NRXN1: variants seen among roughly 807,000 people sequenced by gnomAD.
NRXN1 encodes neurexin-1.
NRXN1 carries 39 observed loss-of-function variants against 150.9 expected under a neutral mutation model. The ratio of observed to expected loss-of-function variants is 0.26; its 90% CI spans 0.20 to 0.34. NRXN1 has a LOEUF of 0.34. Among genes scored for constraint, NRXN1 ranks in the 10% least tolerant of loss-of-function variants. The probability of loss-of-function intolerance (pLI) is 1.00; values close to 1 mark genes in which losing one functional copy is unlikely to be tolerated. For synonymous variants in NRXN1, 924 were observed against 757.0 expected, an observed-to-expected ratio of 1.22 and a Z score of -3.62; for missense variants, 1,815 against 1,949.9, an observed-to-expected ratio of 0.93 and a Z score of 1.30.
At chr2:50,859,093 C>T (rs550144117) in intron 5 of NRXN1, among the ~76,000 whole-genome samples, 26 of 152,116 alleles carry the variant, frequency 1.7e-4, no homozygotes, top group Middle Eastern at 3.4e-3. Context: ...TTGAACCTAA[C>T]GGCCTAAGAA....
chr2:50,032,915 G>A (rs7601845), intron 21 of NRXN1, among the ~76,000 whole-genome samples: 112,891 of 151,562 alleles, frequency 0.74, 42,177 homozygotes, highest in Middle Eastern at 0.8. Flanking sequence ...AGTCTGCAGT[G>A]TTTTCTTTTA....
chr2:50,161,749 A>G (rs2678229), intron 18 of NRXN1, among the ~76,000 whole-genome samples: 125,341 of 152,062 alleles, frequency 0.82, 51,897 homozygotes, highest in African/African-American at 0.89. Flanking sequence ...TAGATAATAT[A>G]TTCCTCAAAG....
At chr2:50,612,655 A>G (rs1019469928) in intron 8 of NRXN1, among the ~76,000 whole-genome samples, 5 of 152,222 alleles carry the variant, frequency 3.3e-5, no homozygotes, top group African/African-American at 7.2e-5. Flanking sequence ...ACATTTGTAT[A>G]GAGCCTAGTA....
chr2:50,747,020 G>C (rs1700102281), intron 5 of NRXN1, among the ~76,000 whole-genome samples: 1 of 152,092 alleles, frequency 6.6e-6, no homozygotes, highest in Non-Finnish European at 1.5e-5. Context: ...ACTCTAAGAA[G>C]TATATTTAAA....
intron 12 of NRXN1, among the ~76,000 whole-genome samples, chr2:50,521,953 T>A (rs2092801060): frequency 6.6e-6 from 1 of 152,032 alleles, no homozygotes; most frequent in African/African-American, 2.4e-5. Context: ...AGTAATAGAT[T>A]CACTAGATTC....
intron 5 of NRXN1, among the ~76,000 whole-genome samples, chr2:50,823,359 A>C (rs1669999748): frequency 6.6e-6 from 1 of 152,154 alleles, no homozygotes; most frequent in South Asian, 2.1e-4. Flanking sequence ...AAGTGAATCA[A>C]AATTTTTTTT....
intron 17 of NRXN1, among the ~76,000 whole-genome samples, chr2:50,348,837 CTT>C (rs200029269): frequency 3.4e-5 from 5 of 145,210 alleles, no homozygotes; most frequent in African/African-American, 7.5e-5. Context: ...AGTGGCTGGA[CTT>C]TTTTTTTTTT....
chr2:50,624,052 G>C (rs558718926), intron 5 of NRXN1, among the ~76,000 whole-genome samples: 15 of 152,014 alleles, frequency 9.9e-5, no homozygotes, highest in African/African-American at 3.6e-4. Flanking sequence ...TTTTGTCCTT[G>C]AGATAGTTTG....
chr2:50,189,862 C>T (rs2061341098), intron 18 of NRXN1, among the ~76,000 whole-genome samples: 1 of 152,158 alleles, frequency 6.6e-6, no homozygotes, highest in Non-Finnish European at 1.5e-5. Flanking sequence ...GGTTGAGTCT[C>T]ATTCTGAACT....
At chr2:50,653,329 A>G (rs1295041525) in intron 5 of NRXN1, among the ~76,000 whole-genome samples, 1 of 152,096 alleles carries the variant, frequency 6.6e-6, no homozygotes, top group Non-Finnish European at 1.5e-5. Context: ...GAAGTAACAT[A>G]CAGAAACAAC....
intron 12 of NRXN1, among the ~76,000 whole-genome samples, chr2:50,515,047 T>G (rs538900226): frequency 6.6e-6 from 1 of 152,094 alleles, no homozygotes; most frequent in South Asian, 2.1e-4. Flanking sequence ...CAGCAGGAGG[T>G]GGGCAGCAGG....
At chr2:50,928,391 C>T (rs770406670) in intron 2 of NRXN1, among the ~76,000 whole-genome samples, 3 of 151,918 alleles carry the variant, frequency 2.0e-5, no homozygotes, top group Admixed American at 6.6e-5. Context: ...CTATTCTATT[C>T]TGGTATCCAT....
chr2:50,679,969 C>T (rs1690130894), intron 5 of NRXN1, among the ~76,000 whole-genome samples: 1 of 147,832 alleles, frequency 6.8e-6, no homozygotes, highest in Non-Finnish European at 1.5e-5. Context: ...CTCGTCTCTA[C>T]AAAAATACAA....
At chr2:50,733,751 A>C (rs1698386943) in intron 5 of NRXN1, among the ~76,000 whole-genome samples, 1 of 152,156 alleles carries the variant, frequency 6.6e-6, no homozygotes, top group Admixed American at 6.6e-5. Context: ...ATTGAAAATG[A>C]GGTTAAAAGC....
At chr2:50,686,181 T>C (rs947609390) in intron 5 of NRXN1, among the ~76,000 whole-genome samples, 4 of 152,160 alleles carry the variant, frequency 2.6e-5, no homozygotes, top group Non-Finnish European at 5.9e-5. Context: ...GAGTTTTCTT[T>C]TTTTTAATAT....
At chr2:50,295,407 TCTA>T (rs2073443589) in intron 17 of NRXN1, among the ~76,000 whole-genome samples, 2 of 152,206 alleles carry the variant, frequency 1.3e-5, no homozygotes, top group South Asian at 4.1e-4. Context: ...CTATTTTTCT[TCTA>T]CTCAATATTA....
chr2:50,831,004 T>C (rs1009310880), intron 5 of NRXN1, among the ~76,000 whole-genome samples: 2 of 152,172 alleles, frequency 1.3e-5, no homozygotes, highest in Non-Finnish European at 2.9e-5. Flanking sequence ...GTACATGAAA[T>C]GTTTTGATGC....
chr2:50,972,893 T>C (rs758284389), intron 2 of NRXN1, among the ~76,000 whole-genome samples: 20 of 152,160 alleles, frequency 1.3e-4, no homozygotes, highest in Non-Finnish European at 5.9e-5. Flanking sequence ...GATAAACTGA[T>C]CACTAGCAGA....
At chr2:51,002,489 A>G (rs1356200668) in intron 2 of NRXN1, among the ~76,000 whole-genome samples, 1 of 151,968 alleles carries the variant, frequency 6.6e-6, no homozygotes, top group Non-Finnish European at 1.5e-5. Flanking sequence ...CGATTCATAT[A>G]ATAATGAATT....
Sources: allele counts gnomAD v4.1 joint callset (sites outside exome capture counted in the v4.1 genomes callset), GRCh38; gene constraint gnomAD v4.1.1; transcripts MANE v1.5; gene names NCBI Gene and HGNC (gene_info 2026-07-23, HGNC 2026-07-21).